The following TECPR2 variants were observed in gnomAD, a reference collection of about 807,000 sequenced individuals.
TECPR2 encodes tectonin beta-propeller repeat containing 2.
A neutral mutation model predicts 138.1 loss-of-function variants in TECPR2; 65 were observed. The ratio of observed to expected loss-of-function variants is 0.47; its 90% confidence interval spans 0.39 to 0.58. The LOEUF is 0.58. Ranked by LOEUF, TECPR2 falls within the 20% of genes least tolerant of loss-of-function variation. The pLI, the probability that TECPR2 is intolerant of heterozygous loss-of-function variation, is 0.00. For missense variants in TECPR2, 1,553 were observed against 1,824.5 expected, an observed-to-expected ratio of 0.85 and a Z score of 2.71; for synonymous variants, 746 against 749.8, an observed-to-expected ratio of 0.99 and a Z score of 0.08.
intron 3 of TECPR2, among the ~76,000 whole-genome samples, chr14:102,407,994 C>T (rs1888710016): frequency 6.7e-6 from 1 of 149,952 alleles, no homozygotes; most frequent in Non-Finnish European, 1.5e-5. Flanking sequence ...GAGACTCCAT[C>T]TAAAAAAAGA....
intron 2 of TECPR2, among the ~76,000 whole-genome samples, chr14:102,396,878 C>G (rs537218909): frequency 1.3e-5 from 2 of 152,292 alleles, no homozygotes; most frequent in African/African-American, 4.8e-5. Flanking sequence ...TGCTTCTGAT[C>G]GTAGAGGTGC....
At position 102,425,045 on chromosome 14, in the gene TECPR2, G is replaced by T. The variant is rs368826416; in HGVS notation, c.705G>T (p.Ala235=). The change falls in exon 6 of 20, where the codon GCG becomes GCT. Residue 235 remains alanine (A), a synonymous_variant. Transcript: ENST00000359520. ...LCKQSDLTLY[A]SRPGLRLWKA... is the part of the protein sequence containing the mutation. ...AGCAAAGTGATCTAACCTTGTATGC[G>T]TCACGGCCCGGGCTCCGGCTATGGA... 2.5e-6 allele frequency: 4 copies of T among 1,614,064 alleles called. No homozygotes were observed. Among genetic ancestry groups the T allele is most frequent in the Non-Finnish European group, 3.4e-6 (4 of 1,180,040 alleles).
At chr14:102,436,106 A>T (rs1010481964) in intron 9 of TECPR2, among the ~76,000 whole-genome samples, 1 of 152,110 alleles carries the variant, frequency 6.6e-6, no homozygotes, top group Non-Finnish European at 1.5e-5. Flanking sequence ...ACGAACTATA[A>T]AATAGGCACT....
chr14:102,475,709 G>A (rs546274392), intron 17 of TECPR2, among the ~76,000 whole-genome samples: 216 of 152,050 alleles, frequency 1.4e-3, no homozygotes, highest in Admixed American at 4.0e-3. Context: ...ATTCACATGG[G>A]CAACCAATTA....
rs768747956 is a variant in TECPR2 at position 102,497,595 on chromosome 14, G to T, written c.3957G>T (p.Leu1319=). The T allele has an allele frequency of 6.2e-7, 1 of 1,604,592 alleles. No individual in the cohort carries two copies. Among genetic ancestry groups the T allele is most frequent in the African/African-American group, 1.3e-5 (1 of 74,752 alleles). The part of the protein sequence containing the change: ...VPGLQACQLA[L]STRTVWARCP... ...GGTTGCAGGCCTGCCAGCTGGCGCT[G>T]AGCACCAGGACCGTGTGGGCCCGCT... The change falls in exon 19 of 20, where the codon CTG becomes CTT. Residue 1319 remains leucine (L), a synonymous_variant. Transcript: ENST00000359520.
chr14:102,490,179 C>G (rs997035922), intron 17 of TECPR2, among the ~76,000 whole-genome samples: 3 of 152,208 alleles, frequency 2.0e-5, no homozygotes, highest in East Asian at 3.8e-4. Flanking sequence ...GTGGAATTCC[C>G]TGCTCCCAAG....
At position 102,499,517 on chromosome 14, in the gene TECPR2, G is replaced by A. The variant is rs1469021255; in HGVS notation, c.*1260G>A. 2.3e-6 allele frequency: 1 copy of A among 438,582 alleles called. No homozygotes were observed. Among genetic ancestry groups the A allele is most frequent in the Non-Finnish European group, 4.2e-6 (1 of 240,110 alleles). 27.2% of individuals were successfully genotyped at this position (438,582 alleles called of 1,614,324 possible). ...CAGACTTGACTGGCAGGGCGGTCAC[G>A]GGACCTGCGGGCTGGCTCCGAGTGG... On this transcript the variant is annotated 3_prime_UTR_variant, in exon 20 of 20. Transcript: ENST00000359520.
intron 1 of TECPR2, among the ~76,000 whole-genome samples, chr14:102,372,290 A>G (rs1201477830): frequency 5.4e-5 from 8 of 147,636 alleles, no homozygotes; most frequent in African/African-American, 2.0e-4. Flanking sequence ...TTTGAGATTG[A>G]GTTTCACTCT....
intron 1 of TECPR2, among the ~76,000 whole-genome samples, chr14:102,363,638 A>G (rs1887257036): frequency 6.6e-6 from 1 of 152,264 alleles, no homozygotes; most frequent in Admixed American, 6.5e-5. Flanking sequence ...CATGGGAGGC[A>G]GAATAGGTAG....
At chr14:102,380,526 A>G (rs557492306) in intron 2 of TECPR2, among the ~76,000 whole-genome samples, 1 of 152,316 alleles carries the variant, frequency 6.6e-6, no homozygotes, top group South Asian at 2.1e-4. Context: ...GAGGGGGGAA[A>G]CCATGCCCAT....
chr14:102,481,011 ATTT>A (rs564316192), intron 17 of TECPR2, among the ~76,000 whole-genome samples: 4 of 128,828 alleles, frequency 3.1e-5, no homozygotes, highest in Non-Finnish European at 1.7e-5. Flanking sequence ...CGCCTGGCTA[ATTT>A]TTTTTTTTTT....
At chr14:102,407,732 C>T (rs1888702002) in intron 3 of TECPR2, among the ~76,000 whole-genome samples, 1 of 152,166 alleles carries the variant, frequency 6.6e-6, no homozygotes, top group Admixed American at 6.5e-5. Flanking sequence ...TGCAGTGGCT[C>T]ATGCCTGTAA....
At position 102,498,340 on chromosome 14, in the gene TECPR2, C is replaced by G; in HGVS notation, c.*83C>G. ...TCAGAGTGACTCCCTGGTGGACGCG[C>G]TGCCTCAACACTTGTCCAGACACCT... On this transcript the variant is annotated 3_prime_UTR_variant, in exon 20 of 20. Coordinates refer to ENST00000359520, the MANE Select transcript of TECPR2 (RefSeq NM_014844.5). 1 of 1,469,980 alleles carries G rather than the reference C, an allele frequency of 6.8e-7. No homozygotes were observed. The highest frequency in any genetic ancestry group is 9.0e-7 in the Non-Finnish European group (1 of 1,105,218). The allele number at this position is 1,469,980 out of a possible 1,614,324, so 91.1% of individuals were successfully genotyped here.
intron 3 of TECPR2, among the ~76,000 whole-genome samples, chr14:102,408,283 G>C (rs1478954268): frequency 6.6e-6 from 1 of 152,028 alleles, no homozygotes; most frequent in African/African-American, 2.4e-5. Flanking sequence ...TTTCATTTTT[G>C]CTTAATATTC....
intron 2 of TECPR2, among the ~76,000 whole-genome samples, chr14:102,386,400 G>GTGGAGGTTGCAGTGAGTAGAGAT: frequency 6.6e-6 from 1 of 152,270 alleles, no homozygotes; most frequent in Non-Finnish European, 1.5e-5. Flanking sequence ...AACCCAGGAG[G>GTGGAGGTTGCAGTGAGTAGAGAT]TGGAGGTTGC....
chr14:102,498,872 ACACACCTCACCTCACACCACAG>A lies in TECPR2; in HGVS notation c.*627_*648del, dbSNP rs747938718. The A allele has an allele frequency of 1.5e-6, 1 of 660,550 alleles. No homozygotes were observed. Among genetic ancestry groups the A allele is most frequent in the South Asian group, 1.5e-5 (1 of 66,290 alleles). The allele number at this position is 660,550 out of a possible 1,614,324, so 40.9% of individuals were successfully genotyped here. Reference sequence around the variant, plus strand: ...ACGCACATGCACACCACAACACACAACACACCTCACCTCACACCACAGCACACCTCACCACACCACACCGCAC... The same window carrying A: ...ACGCACATGCACACCACAACACACAACACACCTCACCACACCACACCGCAC... On this transcript the variant is annotated 3_prime_UTR_variant, in exon 20 of 20. Transcript: ENST00000359520.
At chr14:102,416,176 C>T (rs1889020280) in intron 5 of TECPR2, among the ~76,000 whole-genome samples, 2 of 152,032 alleles carry the variant, frequency 1.3e-5, no homozygotes, top group South Asian at 2.1e-4. Context: ...GGCTGGAGTG[C>T]AGTGGTGCGA....
intron 4 of TECPR2, among the ~76,000 whole-genome samples, chr14:102,412,062 A>C (rs558753838): frequency 8.8e-5 from 13 of 147,740 alleles, no homozygotes; most frequent in South Asian, 2.1e-4. Context: ...TTGTAACATT[A>C]TGTATTGGTC....
intron 16 of TECPR2, among the ~76,000 whole-genome samples, chr14:102,459,825 T>G (rs535997773): frequency 2.6e-5 from 4 of 152,280 alleles, no homozygotes; most frequent in African/African-American, 7.2e-5. Flanking sequence ...AGCCCTGGTG[T>G]TTTCTTTACA....
Sources: allele counts gnomAD v4.1 joint callset (sites outside exome capture counted in the v4.1 genomes callset), GRCh38; gene constraint gnomAD v4.1.1; transcripts MANE v1.5; gene names NCBI Gene and HGNC (gene_info 2026-07-23, HGNC 2026-07-21).